Variants in CYP4Z1 observed in about 807,000 individuals in gnomAD.
CYP4Z1 encodes the protein cytochrome P450 4Z1.
A neutral mutation model predicts 54.2 loss-of-function variants in CYP4Z1; 41 were observed. The observed-to-expected ratio is 0.76, with a 90% CI of 0.59 to 0.98. CYP4Z1 has a LOEUF of 0.98. Ranked by LOEUF, CYP4Z1 falls within the 50% of genes least tolerant of loss-of-function variation. The probability of loss-of-function intolerance (pLI) is 0.00; values close to 1 mark genes in which losing one functional copy is unlikely to be tolerated. For synonymous variants in CYP4Z1, 163 were observed against 206.2 expected (o/e 0.79, Z 1.79); for missense variants, 513 against 599.0 (o/e 0.86, Z 1.50).
intron 6 of CYP4Z1, among the ~76,000 whole-genome samples, chr1:47,086,108 C>G (rs183752033): frequency 2.6e-4 from 40 of 152,134 alleles, no homozygotes; most frequent in Admixed American, 2.0e-3. Flanking sequence ...GGACATTTGG[C>G]TTGGTTCCAA....
intron 8 of CYP4Z1, among the ~76,000 whole-genome samples, chr1:47,101,714 T>C (rs908216174): frequency 6.6e-6 from 1 of 152,180 alleles, no homozygotes; most frequent in African/African-American, 2.4e-5. Flanking sequence ...GAAAAATATG[T>C]ATTCTTCACC....
intron 2 of CYP4Z1, among the ~76,000 whole-genome samples, chr1:47,078,368 C>G (rs1557623002): frequency 6.6e-6 from 1 of 151,690 alleles, no homozygotes; most frequent in African/African-American, 2.4e-5. Context: ...AGTTCTAGAA[C>G]TTTATTTGTT....
upstream of CYP4Z1, among the ~76,000 whole-genome samples, chr1:47,063,086 G>A (rs907156158): frequency 6.6e-6 from 1 of 152,174 alleles, no homozygotes; most frequent in African/African-American, 2.4e-5. Flanking sequence ...CTCCCCAGTA[G>A]CAGCCTAGAG....
the CYP4Z1 span, among the ~76,000 whole-genome samples, chr1:47,057,360 A>ATATG: frequency 1.8e-5 from 2 of 111,142 alleles, no homozygotes; most frequent in Non-Finnish European, 3.7e-5. Flanking sequence ...ATATATATAT[A>ATATG]TATATATATA....
the CYP4Z1 span, among the ~76,000 whole-genome samples, chr1:47,057,016 G>T: frequency 1.3e-5 from 2 of 151,146 alleles, no homozygotes; most frequent in East Asian, 1.9e-4. Flanking sequence ...TCCTAGCTTC[G>T]ATGGTCTTTA....
chr1:47,104,896 G>T (rs1316401817), intron 8 of CYP4Z1, among the ~76,000 whole-genome samples: 1 of 145,524 alleles, frequency 6.9e-6, no homozygotes, highest in Non-Finnish European at 1.5e-5. Flanking sequence ...CCTGCTACTG[G>T]AGAGGGAGGG....
chr1:47,093,491 T>C (rs1189829591), intron 6 of CYP4Z1, among the ~76,000 whole-genome samples: 1 of 152,264 alleles, frequency 6.6e-6, no homozygotes, highest in Admixed American at 6.5e-5. Flanking sequence ...TGTGTCATTT[T>C]TGGGCAAGCC....
chr1:47,084,969 C>T lies in CYP4Z1; in HGVS notation c.763C>T (p.Gln255Ter). Residue 255 changes from glutamine to a stop codon, truncating the protein, a stop_gained, in exon 6 of 12, where the codon CAG becomes TAG. Coordinates refer to ENST00000334194, the MANE Select transcript of CYP4Z1 (RefSeq NM_178134.3). LOFTEE classifies it high-confidence loss of function. ...IFSKFNQELH[Q>*]FTEKVIQDRK... ...TTCTAAATTTAACCAAGAACTTCAT[C>T]AGTTCACAGGTTAGTCCTGGGATTT... is the stretch of plus-strand genomic sequence containing the variant. 7.3e-7 allele frequency: 1 copy of T among 1,378,906 alleles called. No homozygotes were observed. Among genetic ancestry groups the T allele is most frequent in the South Asian group, 1.3e-5 (1 of 74,250 alleles). 85.4% of individuals were successfully genotyped at this position (1,378,906 alleles called of 1,614,324 possible). A position where few individuals can be genotyped will look rare whatever the true frequency, so the allele number is the denominator to read the frequency against.
chr1:47,073,982 C>T (rs1644500454), intron 2 of CYP4Z1, among the ~76,000 whole-genome samples: 4 of 150,886 alleles, frequency 2.7e-5, no homozygotes, highest in Admixed American at 2.6e-4. Context: ...CCTTTTGTGG[C>T]CTGTGCTTTT....
intron 6 of CYP4Z1, among the ~76,000 whole-genome samples, chr1:47,085,590 G>A (rs565921268): frequency 8.5e-5 from 13 of 152,062 alleles, no homozygotes; most frequent in African/African-American, 3.1e-4. Context: ...GATAACCTCT[G>A]CTTTCCTTTG....
intron 6 of CYP4Z1, among the ~76,000 whole-genome samples, chr1:47,088,540 C>T (rs2148532131): frequency 6.6e-6 from 1 of 151,726 alleles, no homozygotes; most frequent in East Asian, 1.9e-4. Context: ...TTGGTGGTGA[C>T]ATCCCTTTAT....
At chr1:47,082,198 C>G in intron 3 of CYP4Z1, 136 bp from the exon 4 acceptor site, 1 of 1,099,760 alleles carries the variant, frequency 9.1e-7, no homozygotes, top group Non-Finnish European at 1.3e-6. Context: ...TCTACTCCTG[C>G]TCATTCACTC....
At chr1:47,116,882 G>T in intron 11 of CYP4Z1, 150 bp downstream of exon 11, 1 of 573,958 alleles carries the variant, frequency 1.7e-6, no homozygotes, top group Non-Finnish European at 3.0e-6. Context: ...AGTGCATTTA[G>T]TTGGTACCCT....
chr1:47,087,177 G>T (rs1351736811), intron 6 of CYP4Z1, among the ~76,000 whole-genome samples: 1 of 152,146 alleles, frequency 6.6e-6, no homozygotes, highest in Admixed American at 6.6e-5. Context: ...GGCAATGAGG[G>T]CTCTTTTTTG....
chr1:47,098,146 T>G (rs1644692264), intron 7 of CYP4Z1, among the ~76,000 whole-genome samples: 1 of 152,174 alleles, frequency 6.6e-6, no homozygotes, highest in South Asian at 2.1e-4. Flanking sequence ...TTTTTCTAAT[T>G]CTATGAAGAA....
chr1:47,088,543 C>G (rs1289253123), intron 6 of CYP4Z1, among the ~76,000 whole-genome samples: 1 of 151,390 alleles, frequency 6.6e-6, no homozygotes, highest in African/African-American at 2.4e-5. Flanking sequence ...GTGGTGACAT[C>G]CCTTTATCAT....
the CYP4Z1 span, among the ~76,000 whole-genome samples, chr1:47,061,963 A>G: frequency 6.6e-6 from 1 of 152,208 alleles, no homozygotes; most frequent in East Asian, 1.9e-4. Context: ...GCAGAAAAGG[A>G]TTTTGATAAA....
Position 47,118,106 on chromosome 1 carries a change from T to A in CYP4Z1, c.*172T>A. The stretch of plus-strand genomic sequence containing the variant: ...AACAGTAATTTTAATTTCTTTGCTG[T>A]ATCTGGTGAAACCCACAAAAACACC... On this transcript the variant is annotated 3_prime_UTR_variant, in exon 12 of 12. Coordinates refer to ENST00000334194, the MANE Select transcript of CYP4Z1 (RefSeq NM_178134.3). The A allele has an allele frequency of 1.4e-6, 1 of 699,196 alleles. No individual in the cohort carries two copies. Among genetic ancestry groups the A allele is most frequent in the South Asian group, 3.3e-5 (1 of 30,718 alleles). 43.3% of individuals were successfully genotyped at this position (699,196 alleles called of 1,614,324 possible).
chr1:47,057,263 C>T, the CYP4Z1 span, among the ~76,000 whole-genome samples: 1 of 142,082 alleles, frequency 7.0e-6, no homozygotes. Flanking sequence ...TCTCTTCTGG[C>T]TTGTAGAGTT....
Sources: gnomAD v4.1 joint callset for allele counts (sites outside exome capture counted in the v4.1 genomes callset) on GRCh38, gnomAD v4.1.1 for gene constraint, MANE v1.5 for transcripts, NCBI Gene and HGNC (gene_info 2026-07-23, HGNC 2026-07-21) for gene names.